The following DUT variants were observed in gnomAD, a reference collection of about 807,000 sequenced individuals.
DUT encodes the protein deoxyuridine triphosphatase.
In DUT, 21 loss-of-function variants were observed where a neutral mutation model predicts 28.8. The ratio of observed to expected loss-of-function variants is 0.73; its 90% CI spans 0.52 to 1.05. The LOEUF (loss-of-function observed/expected upper bound fraction) is 1.05. Ranked by LOEUF, DUT falls within the 50% of genes least tolerant of loss-of-function variation. The pLI is 0.00. For missense variants in DUT, 344 were observed against 351.8 expected, an observed-to-expected ratio of 0.98 and a Z score of 0.18; for synonymous variants, 147 against 143.7, an observed-to-expected ratio of 1.02 and a Z score of -0.17.
At chr15:48,332,061 G>T in intron 1 of DUT, 1 of 1,192,462 alleles carries the variant, frequency 8.4e-7, no homozygotes, top group South Asian at 1.8e-5. Context: ...TGCTTTCCGA[G>T]AAGGGCTTCA....
chr15:48,332,556 G>C, intron 2 of DUT, 150 bp downstream of exon 2: 1 of 779,980 alleles, frequency 1.3e-6, no homozygotes, highest in Non-Finnish European at 2.1e-6. Flanking sequence ...TTTCATCTTT[G>C]GCATAAATTA....
chr15:48,331,328 G>A (rs868665971), upstream of DUT: 14 of 1,441,456 alleles, frequency 9.7e-6, no homozygotes, highest in African/African-American at 1.2e-4. Flanking sequence ...CAACGGCGCC[G>A]TCTTCCTGGG....
At chr15:48,339,814 C>A (rs28381135) in intron 4 of DUT, among the ~76,000 whole-genome samples, 239 of 152,278 alleles carry the variant, frequency 1.6e-3, no homozygotes, top group African/African-American at 5.5e-3. Flanking sequence ...AATTCAGATT[C>A]ACTTGTCCCT....
chr15:48,331,453 G>C lies in DUT; in HGVS notation c.-63G>C. ...TGTTCCCAGGACGGGCGCGTCTTCA[G>C]GGTGGAAGCCTGGCGCACGTCCGGA... On this transcript the variant is annotated 5_prime_UTR_variant, in exon 1 of 7. Coordinates refer to ENST00000331200, the MANE Select transcript of DUT (RefSeq NM_001025248.2). The C allele has an allele frequency of 2.5e-6, 4 of 1,595,972 alleles. No homozygotes were observed. The highest frequency in any genetic ancestry group is 3.4e-6 in the Non-Finnish European group (4 of 1,172,298).
intron 2 of DUT, among the ~76,000 whole-genome samples, chr15:48,333,170 C>G (rs2042437253): frequency 6.6e-6 from 1 of 151,292 alleles, no homozygotes; most frequent in African/African-American, 2.4e-5. Flanking sequence ...ATACTAAATC[C>G]CAAGCATTGG....
At chr15:48,331,099 T>C, upstream of DUT, 1 of 895,724 alleles carries the variant, frequency 1.1e-6, no homozygotes, top group Non-Finnish European at 1.5e-6. Flanking sequence ...CCGGGCGCAA[T>C]AACTGTCACC....
intron 1 of DUT, 81 bp downstream of exon 1, chr15:48,331,876 G>C: frequency 1.1e-6 from 1 of 906,932 alleles, no homozygotes. Context: ...AGGGTGGCGA[G>C]CGGTCCTTCT....
Position 48,331,592 on chromosome 15 carries a change from C to A in DUT, c.77C>A (p.Ala26Glu). The change falls in exon 1 of 7, where the codon GCG becomes GAG. Residue 26 changes from alanine to glutamate, a missense_variant. Ala to Glu is a moderately radical substitution (Grantham distance 107, BLOSUM62 -1). Coordinates refer to ENST00000331200, the MANE Select transcript of DUT (RefSeq NM_001025248.2). ...CTGCTTCGCTCAGCGATGCAAAACG[C>A]GCGAGGCGCACGGCAGAGGGCCGAA... Reference protein sequence around the residue: ...TSLLRSAMQNARGARQRAEAA... With the variant: ...TSLLRSAMQNERGARQRAEAA... 2.5e-6 allele frequency: 4 copies of A among 1,583,068 alleles called. No individual in the cohort carries two copies. The highest frequency in any genetic ancestry group is 3.4e-6 in the Non-Finnish European group (4 of 1,166,470).
At chr15:48,331,397 C>A, upstream of DUT, 1 of 1,497,958 alleles carries the variant, frequency 6.7e-7, no homozygotes, top group Non-Finnish European at 8.9e-7. Flanking sequence ...CGCCCCTCGT[C>A]CGGCGGCGGC....
At chr15:48,339,208 TAA>T (rs1273314907) in intron 4 of DUT, among the ~76,000 whole-genome samples, 1 of 151,928 alleles carries the variant, frequency 6.6e-6, no homozygotes, top group Non-Finnish European at 1.5e-5. Context: ...TCTCAAAGGA[TAA>T]AAAGAAAAAA....
Position 48,342,122 on chromosome 15 carries a change from TAA to T in DUT, c.*58_*59del, listed in dbSNP as rs34176493. On this transcript the variant is annotated 3_prime_UTR_variant, in exon 7 of 7. Transcript: ENST00000331200. ...AAAACAAGAAGTCATACCTTTTTCT[TAA>T]AAAAAAAAAAAAAGTTTTTGCTTCA... The T allele has an allele frequency of 4.7e-3, 5,092 of 1,084,066 alleles. No individual in the cohort carries two copies. Among genetic ancestry groups the T allele is most frequent in the South Asian group, 8.1e-3 (394 of 48,916 alleles). 67.2% of individuals were successfully genotyped at this position (1,084,066 alleles called of 1,614,324 possible).
chr15:48,331,111 G>A, upstream of DUT: 3 of 1,256,632 alleles, frequency 2.4e-6, no homozygotes, highest in Admixed American at 3.9e-5. Flanking sequence ...ACTGTCACCG[G>A]CGCCGAGATG....
intron 2 of DUT, among the ~76,000 whole-genome samples, chr15:48,334,097 A>G (rs377505796): frequency 3.9e-5 from 6 of 152,284 alleles, no homozygotes; most frequent in Admixed American, 3.3e-4. Flanking sequence ...TTTCACGCTG[A>G]TAAGTACCTC....
chr15:48,332,521 C>A, intron 2 of DUT, 115 bp downstream of exon 2: 1 of 1,003,654 alleles, frequency 1.0e-6, no homozygotes, highest in Non-Finnish European at 1.4e-6. Context: ...AGGATTTCTG[C>A]CTTTTTCGTG....
rs1205316058 is a variant in DUT, at chr15:48,342,534, TAAAATA to T, written c.*462_*467del. On this transcript the variant is annotated 3_prime_UTR_variant, in exon 7 of 7. Transcript: ENST00000331200. ...GTACAAAATCTTGCATAAGCTGAAC[TAAAATA>T]AAAATGAAAAGGAGAGATTAAAGGT... is the stretch of plus-strand genomic sequence containing the variant. 6.6e-6 allele frequency: 1 copy of T among 152,240 alleles called. No individual in the cohort carries two copies. The highest frequency in any genetic ancestry group is 1.5e-5 in the Non-Finnish European group (1 of 68,066). 9.4% of individuals were successfully genotyped at this position (152,240 alleles called of 1,614,324 possible).
At chr15:48,336,557 A>C (rs1392969240) in intron 4 of DUT, among the ~76,000 whole-genome samples, 16 of 152,126 alleles carry the variant, frequency 1.1e-4, no homozygotes, top group Admixed American at 6.5e-5. Flanking sequence ...ACCCTACCTC[A>C]TGTGGTACCT....
At chr15:48,341,206 C>A (rs2042530111) in intron 4 of DUT, 83 bp from the exon 5 acceptor site, 1 of 794,478 alleles carries the variant, frequency 1.3e-6, no homozygotes, top group African/African-American at 1.7e-5. Flanking sequence ...CTCAGAGCTA[C>A]ATGATAATGA....
At chr15:48,336,365 C>A (rs1483478679) in intron 4 of DUT, among the ~76,000 whole-genome samples, 1 of 152,022 alleles carries the variant, frequency 6.6e-6, no homozygotes, top group Non-Finnish European at 1.5e-5. Flanking sequence ...TTCTAGAAAA[C>A]ACAGGTCTAT....
rs760088878 is a variant in DUT at position 48,332,374 on chromosome 15, C to T, written c.387C>T (p.Gly129=). ...LSEHATAPTR[G]SARAAGYDLY... is the part of the protein sequence containing the mutation. ...AGCACGCCACGGCCCCCACCCGGGGCTCCGCGCGCGCCGCGGGCTACGACC... is the reference window on the plus strand; with the variant it reads ...AGCACGCCACGGCCCCCACCCGGGGTTCCGCGCGCGCCGCGGGCTACGACC... Residue 129 remains glycine (G), a synonymous_variant, in exon 2 of 7, where the codon GGC becomes GGT. Coordinates refer to ENST00000331200, the MANE Select transcript of DUT (RefSeq NM_001025248.2). The T allele has an allele frequency of 8.8e-6, 14 of 1,588,968 alleles. No individual in the cohort carries two copies. Among genetic ancestry groups the T allele is most frequent in the Non-Finnish European group, 1.2e-5 (14 of 1,170,276 alleles).
Sources: gnomAD v4.1 joint callset for allele counts (sites outside exome capture counted in the v4.1 genomes callset) on GRCh38, gnomAD v4.1.1 for gene constraint, MANE v1.5 for transcripts, NCBI Gene and HGNC (gene_info 2026-07-23, HGNC 2026-07-21) for gene names.